EIF2A: variants seen among roughly 807,000 people sequenced by gnomAD.
The protein encoded by EIF2A is eukaryotic translation initiation factor 2A.
Under a neutral mutation model 75.2 loss-of-function variants are expected in EIF2A, and 62 were observed. That is an observed-to-expected ratio of 0.82 (90% CI 0.67 to 1.02). EIF2A has a LOEUF of 1.02. Ranked by LOEUF, EIF2A falls within the 50% of genes least tolerant of loss-of-function variation. The pLI is 0.00. For missense variants in EIF2A, 611 were observed against 677.7 expected, an observed-to-expected ratio of 0.90 and a Z score of 1.09; for synonymous variants, 207 against 239.0, an observed-to-expected ratio of 0.87 and a Z score of 1.23.
At chr3:150,555,275 A>G (rs1486702685) in intron 2 of EIF2A, among the ~76,000 whole-genome samples, 2 of 149,536 alleles carry the variant, frequency 1.3e-5, no homozygotes, top group Non-Finnish European at 3.0e-5. Context: ...ATTTTTTTTG[A>G]GATGGAGTTT....
At chr3:150,550,909 C>T (rs1032545427) in intron 1 of EIF2A, among the ~76,000 whole-genome samples, 33 of 152,108 alleles carry the variant, frequency 2.2e-4, no homozygotes, top group African/African-American at 8.0e-4. Context: ...CTGCCTGCCT[C>T]GGCCTCCCAA....
At position 150,583,988 on chromosome 3, in the gene EIF2A, A is replaced by C; in HGVS notation, c.*77A>C. 7.3e-7 allele frequency: 1 copy of C among 1,362,986 alleles called. No homozygotes were observed. The highest frequency in any genetic ancestry group is 1.3e-5 in the South Asian group (1 of 79,350). 84.4% of individuals were successfully genotyped at this position (1,362,986 alleles called of 1,614,324 possible). A position where few individuals can be genotyped will look rare whatever the true frequency, so the allele number is the denominator to read the frequency against. On this transcript the variant is annotated 3_prime_UTR_variant, in exon 14 of 14. Transcript: ENST00000460851. The stretch of plus-strand genomic sequence containing the variant: ...TGTTAAACCCATTGGTATACACAGA[A>C]TATTCCTGTGCCCACACTTAATGTC...
Position 150,562,636 on chromosome 3 carries a change from C to T in EIF2A, c.268C>T (p.Leu90=), listed in dbSNP as rs764805285. ...TGAATTCTCACCCAAAAATACTGTC[C>T]TGGCAACGTGGCAGCCTTACACTAG... is the stretch of plus-strand genomic sequence containing the variant. ...CLEFSPKNTV[L]ATWQPYTTSK... The change falls in exon 4 of 14, where the codon CTG becomes TTG. Residue 90 remains leucine (L), a synonymous_variant. Coordinates refer to ENST00000460851, the MANE Select transcript of EIF2A (RefSeq NM_032025.5). The T allele has an allele frequency of 1.2e-5, 20 of 1,613,194 alleles. 1 individual carries two copies. The highest frequency in any genetic ancestry group is 3.3e-4 in the Middle Eastern group (2 of 6,052).
intron 2 of EIF2A, 42 bp downstream of exon 2, chr3:150,552,467 G>A: frequency 2.0e-6 from 3 of 1,488,042 alleles, no homozygotes; most frequent in Non-Finnish European, 2.7e-6. Flanking sequence ...GGAACATACA[G>A]TACAATCTAA....
At chr3:150,556,217 A>G (rs1023945135) in intron 2 of EIF2A, among the ~76,000 whole-genome samples, 23 of 152,250 alleles carry the variant, frequency 1.5e-4, no homozygotes, top group African/African-American at 5.5e-4. Flanking sequence ...GACTGAATCC[A>G]GTACAATCTC....
At position 150,575,774 on chromosome 3, in the gene EIF2A, AC is replaced by A. The variant is rs748861091; in HGVS notation, c.1497+13del. 9.8e-5 allele frequency: 156 copies of A among 1,598,018 alleles called. No individual in the cohort carries two copies. The highest frequency in any genetic ancestry group is 8.9e-4 in the Admixed American group (51 of 57,156). On this transcript the variant is annotated intron_variant, in intron 11 of 13. Coordinates refer to ENST00000460851, the MANE Select transcript of EIF2A (RefSeq NM_032025.5). ...AAGCTGCAAAGCAGGTATTTGGGGC[AC>A]TAATCTCATAACAAAACAAATAGTC...
intron 6 of EIF2A, chr3:150,566,558 A>G (rs1329570500): frequency 6.6e-6 from 1 of 152,072 alleles, no homozygotes; most frequent in African/African-American, 2.4e-5. Flanking sequence ...TTTAAATTAA[A>G]GTTTTATACG....
chr3:150,581,975 C>T (rs1725206519), intron 12 of EIF2A, among the ~76,000 whole-genome samples: 1 of 152,038 alleles, frequency 6.6e-6, no homozygotes, highest in Non-Finnish European at 1.5e-5. Context: ...TAATAAAATT[C>T]AGTGTGCATC....
intron 11 of EIF2A, among the ~76,000 whole-genome samples, chr3:150,580,727 G>C (rs2107975685): frequency 6.6e-6 from 1 of 152,210 alleles, no homozygotes; most frequent in Admixed American, 6.5e-5. Context: ...TCACTACTCT[G>C]CACTTTGGGA....
Position 150,552,089 on chromosome 3 carries a change from T to C in EIF2A, c.29-267T>C, listed in dbSNP as rs1480002137. On this transcript the variant is annotated intron_variant, in intron 1 of 13. Coordinates refer to ENST00000460851, the MANE Select transcript of EIF2A (RefSeq NM_032025.5). Reference sequence around the variant, plus strand: ...TAGGTCAGGCTCTGAATTCATGTCCTCTTTACCACAAGACAGCTGCCTTTC... The same window carrying C: ...TAGGTCAGGCTCTGAATTCATGTCCCCTTTACCACAAGACAGCTGCCTTTC... 2.0e-5 allele frequency among the ~76,000 whole-genome samples: 3 copies of C among 152,238 alleles called. No homozygotes were observed. In the East Asian group the frequency reaches 5.8e-4, roughly 29 times the overall value.
At chr3:150,562,443 T>A in intron 3 of EIF2A, 99 bp from the exon 4 acceptor site, 1 of 908,570 alleles carries the variant, frequency 1.1e-6, no homozygotes, top group Non-Finnish European at 1.6e-6. Context: ...GTCAACATTT[T>A]GGAGTGATCT....
rs1341202160 is a variant in EIF2A, at chr3:150,569,400, CTAAATT to C, written c.811+1114_811+1119del. Among the ~76,000 whole-genome samples the C allele has an allele frequency of 2.7e-5, 4 of 147,848 alleles. No homozygotes were observed. In the East Asian group the frequency reaches 8.3e-4, roughly 31 times the overall value. ...TCATTTCTCTCTTGTCAGTCTAAAA[CTAAATT>C]TAAATGCTAACTGATTTTTTTTTTT... On this transcript the variant is annotated intron_variant, in intron 9 of 13. Coordinates refer to ENST00000460851, the MANE Select transcript of EIF2A (RefSeq NM_032025.5).
chr3:150,551,142 A>G (rs548646447), intron 1 of EIF2A, among the ~76,000 whole-genome samples: 6 of 152,270 alleles, frequency 3.9e-5, no homozygotes, highest in Admixed American at 3.3e-4. Flanking sequence ...TGCTTTCCCT[A>G]ACCTTCCATT....
chr3:150,579,703 A>C (rs201285691), intron 11 of EIF2A, among the ~76,000 whole-genome samples: 1 of 39,642 alleles, frequency 2.5e-5, no homozygotes, highest in Admixed American at 3.0e-4. Flanking sequence ...CTCTGTCTCC[A>C]AAAAAAAAAA....
chr3:150,553,066 C>T (rs1723394284), intron 2 of EIF2A, among the ~76,000 whole-genome samples: 1 of 152,118 alleles, frequency 6.6e-6, no homozygotes. Flanking sequence ...CCTGTAATCC[C>T]AGCACTATGG....
chr3:150,556,322 T>TA (rs1165422099), intron 2 of EIF2A, among the ~76,000 whole-genome samples: 6 of 152,150 alleles, frequency 3.9e-5, no homozygotes, highest in African/African-American at 7.2e-5. Flanking sequence ...CTACGAAAGT[T>TA]AAAAAAACTT....
rs1239995004 is a variant in EIF2A, at chr3:150,572,280, T to C, written c.1134T>C (p.Ala378=). ...AGCATATTTTAACAGCTACATGTGC[T>C]CCCAGGTTACGGGTTAATAATGGAT... ...DGEHILTATC[A]PRLRVNNGYK... is the part of the protein sequence containing the mutation. Residue 378 remains alanine (A), a synonymous_variant, in exon 10 of 14, where the codon GCT becomes GCC. Coordinates refer to ENST00000460851, the MANE Select transcript of EIF2A (RefSeq NM_032025.5). 6.8e-6 allele frequency: 11 copies of C among 1,613,854 alleles called. No individual in the cohort carries two copies. The highest frequency in any genetic ancestry group is 9.3e-6 in the Non-Finnish European group (11 of 1,179,870).
At chr3:150,581,858 T>G in intron 12 of EIF2A, 112 bp downstream of exon 12, 1 of 1,282,882 alleles carries the variant, frequency 7.8e-7, no homozygotes, top group East Asian at 2.5e-5. Context: ...GTATCAGCAG[T>G]TCTCATTGTT....
At chr3:150,577,588 G>A (rs954183314) in intron 11 of EIF2A, among the ~76,000 whole-genome samples, 1 of 151,224 alleles carries the variant, frequency 6.6e-6, no homozygotes, top group Non-Finnish European at 1.5e-5. Flanking sequence ...TTTGGTTTTG[G>A]CTTGGTTTTT....
Sources: gnomAD v4.1 joint callset for allele counts (sites outside exome capture counted in the v4.1 genomes callset) on GRCh38, gnomAD v4.1.1 for gene constraint, MANE v1.5 for transcripts, NCBI Gene and HGNC (gene_info 2026-07-23, HGNC 2026-07-21) for gene names.